Variants in LATS2 observed in about 807,000 individuals in gnomAD.
The protein encoded by LATS2 is large tumor suppressor kinase 2.
LATS2 carries 24 observed loss-of-function variants against 76.0 expected under a neutral mutation model. That is an observed-to-expected ratio of 0.32 (90% confidence interval 0.23 to 0.44). LATS2 has a LOEUF of 0.44. Ranked by LOEUF, LATS2 falls within the 20% of genes least tolerant of loss-of-function variation. The pLI is 1.00. For synonymous variants in LATS2, 692 were observed against 635.4 expected, an observed-to-expected ratio of 1.09 and a Z score of -1.34; for missense variants, 1,286 against 1,481.2, an observed-to-expected ratio of 0.87 and a Z score of 2.16.
rs771282680 is a variant in LATS2, at chr13:20,974,825, C to T, written c.*45G>A. ...GCCTGTGAGGGCACCGGCTCCGGGA[C>T]CCTGACCTGGGAGGCAGCGAGTGGT... On this transcript the variant is annotated 3_prime_UTR_variant, in exon 8 of 8. Coordinates refer to ENST00000382592, the MANE Select transcript of LATS2 (RefSeq NM_014572.3). The T allele has an allele frequency of 1.9e-6, 3 of 1,561,480 alleles. No individual in the cohort carries two copies. The highest frequency in any genetic ancestry group is 2.2e-5 in the East Asian group (1 of 44,498).
Position 21,016,888 on chromosome 13 carries a change from G to A in LATS2, c.343-25484C>T, listed in dbSNP as rs1358636592. 2.0e-5 allele frequency among the ~76,000 whole-genome samples: 3 copies of A among 152,180 alleles called. No individual in the cohort carries two copies. The East Asian group carries it at 5.8e-4, about 29-fold the overall frequency. On this transcript the variant is annotated intron_variant, in intron 2 of 7. Coordinates refer to ENST00000382592, the MANE Select transcript of LATS2 (RefSeq NM_014572.3). ...CTTAACTGCCTACCTTGTTCCTGTT[G>A]TTAAGTCCGGTTCCCCAAAGATAAG...
intron 2 of LATS2, among the ~76,000 whole-genome samples, chr13:21,024,445 A>C (rs1872223496): frequency 6.6e-6 from 1 of 152,140 alleles, no homozygotes; most frequent in African/African-American, 2.4e-5. Flanking sequence ...GATAATAATA[A>C]TAAATGATAA....
At chr13:21,018,142 G>A (rs1056723705) in intron 2 of LATS2, 4 of 152,220 alleles carry the variant, frequency 2.6e-5, no homozygotes, top group African/African-American at 9.6e-5. Context: ...CATGTAAACT[G>A]ACAGTTCAAG....
intron 5 of LATS2, among the ~76,000 whole-genome samples, chr13:20,981,987 A>C (rs1439495810): frequency 1.3e-5 from 2 of 152,232 alleles, no homozygotes; most frequent in Non-Finnish European, 2.9e-5. Flanking sequence ...TTAGGCCATA[A>C]TCAAAAGGTA....
At chr13:21,026,805 A>C (rs531761898) in intron 2 of LATS2, among the ~76,000 whole-genome samples, 191 of 152,336 alleles carry the variant, frequency 1.3e-3, no homozygotes, top group African/African-American at 4.4e-3. Flanking sequence ...TTAATTTAAA[A>C]AACATTAGTA....
At chr13:21,038,020 C>T (rs1003966) in intron 2 of LATS2, among the ~76,000 whole-genome samples, 15,908 of 152,150 alleles carry the variant, frequency 0.1, 808 homozygotes, top group Middle Eastern at 0.12. Flanking sequence ...CTGGGTGGAC[C>T]GCTTGAGCCC....
At chr13:21,034,497 C>A (rs1221100715) in intron 2 of LATS2, among the ~76,000 whole-genome samples, 1 of 152,234 alleles carries the variant, frequency 6.6e-6, no homozygotes, top group African/African-American at 2.4e-5. Context: ...AGACCTGGAA[C>A]ACCACTGCAG....
At chr13:20,990,037 C>T (rs1237966903) in intron 3 of LATS2, among the ~76,000 whole-genome samples, 5 of 152,282 alleles carry the variant, frequency 3.3e-5, no homozygotes, top group Admixed American at 1.3e-4. Flanking sequence ...CAGAGGGTGC[C>T]GAAGGGTGGA....
At position 20,988,405 on chromosome 13, in the gene LATS2, C is replaced by G. The variant is rs1279678158; in HGVS notation, c.1375G>C (p.Gly459Arg). 2 of 1,412,686 alleles carry G rather than the reference C, an allele frequency of 1.4e-6. No homozygotes were observed. The highest frequency in any genetic ancestry group is 1.8e-6 in the Non-Finnish European group (2 of 1,093,240). 87.5% of individuals were successfully genotyped at this position (1,412,686 alleles called of 1,614,324 possible). Residue 459 changes from glycine (G) to arginine (R), a missense_variant, in exon 4 of 8, where the codon GGG becomes CGG. Physicochemically the swap from Gly to Arg is moderately radical, Grantham distance 125. Coordinates refer to ENST00000382592, the MANE Select transcript of LATS2 (RefSeq NM_014572.3). ...GGCACCCAGGCGGGGTGCGAGGGCC[C>G]CACAGCCGTCTGCGGCTCCGGCCTC... ...VLRPEPQTAVGPSHPAWVPAP... is the reference protein window; with the variant it reads ...VLRPEPQTAVRPSHPAWVPAP...
At chr13:21,030,122 C>CAA (rs1214367442) in intron 2 of LATS2, among the ~76,000 whole-genome samples, 1 of 141,294 alleles carries the variant, frequency 7.1e-6, no homozygotes, top group Admixed American at 7.1e-5. Flanking sequence ...GACTCTACTT[C>CAA]AAAAAAAAAA....
intron 1 of LATS2, among the ~76,000 whole-genome samples, chr13:21,060,415 T>C (rs1481832043): frequency 6.6e-6 from 1 of 152,208 alleles, no homozygotes; most frequent in Non-Finnish European, 1.5e-5. Flanking sequence ...TGGCGTGTTA[T>C]GCAACGGCCG....
In LATS2 at chr13:20,974,844, G is replaced by C. The variant is rs766149898; in HGVS notation, c.*26C>G. On this transcript the variant is annotated 3_prime_UTR_variant, in exon 8 of 8. Transcript: ENST00000382592. ...CCGGGACCCTGACCTGGGAGGCAGC[G>C]AGTGGTGGGGGTGCCTGGCCCCCAT... 1.3e-6 allele frequency: 2 copies of C among 1,579,028 alleles called. No individual in the cohort carries two copies. The highest frequency in any genetic ancestry group is 2.2e-5 in the East Asian group (1 of 44,566).
In LATS2 at chr13:21,052,231, C is replaced by T. The variant is rs1162078638; in HGVS notation, c.-204-6001G>A. On this transcript the variant is annotated intron_variant, in intron 1 of 7. Coordinates refer to ENST00000382592, the MANE Select transcript of LATS2 (RefSeq NM_014572.3). ...ATATACTGATCAATTATCACCATTA[C>T]TAATTAAAGATTTATAATAAGTTAG... 3.9e-5 allele frequency among the ~76,000 whole-genome samples: 6 copies of T among 152,146 alleles called. No individual in the cohort carries two copies. The East Asian group carries it at 5.8e-4, about 15-fold the overall frequency.
In LATS2 at chr13:20,996,377, A is replaced by ATT. The variant is rs34278498; in HGVS notation, c.343-4975_343-4974dup. The stretch of plus-strand genomic sequence containing the variant: ...TCTACCTACATTAGAGTGGTAGAAG[A>ATT]TTTTTTTTTTTTTTTTTTTGAGACA... On this transcript the variant is annotated intron_variant, in intron 2 of 7. Coordinates refer to ENST00000382592, the MANE Select transcript of LATS2 (RefSeq NM_014572.3). Among the ~76,000 whole-genome samples the ATT allele has an allele frequency of 3.7e-3, 504 of 136,818 alleles. 4 individuals are homozygous for ATT. The highest frequency in any genetic ancestry group is 0.013 in the East Asian group (59 of 4,526). The allele number at this position is 136,818 out of a possible 152,430, so 89.8% of individuals were successfully genotyped here.
intron 2 of LATS2, among the ~76,000 whole-genome samples, chr13:21,017,547 T>C (rs2138353223): frequency 6.6e-6 from 1 of 152,258 alleles, no homozygotes; most frequent in East Asian, 1.9e-4. Context: ...CTGTGTAGTC[T>C]GAAAACCACT....
intron 2 of LATS2, among the ~76,000 whole-genome samples, chr13:21,031,377 A>C (rs1031234330): frequency 2.6e-5 from 4 of 152,130 alleles, no homozygotes; most frequent in African/African-American, 9.7e-5. Flanking sequence ...ATTTCTGTTC[A>C]ATTTTTTTCT....
At position 20,977,435 on chromosome 13, in the gene LATS2, G is replaced by T. The variant is rs575998826; in HGVS notation, c.2773-2071C>A. 3.3e-5 allele frequency among the ~76,000 whole-genome samples: 5 copies of T among 151,680 alleles called. No homozygotes were observed. In the South Asian group the frequency reaches 1.0e-3, roughly 32 times the overall value. ...AGCATAACCAAACTCACAGAGACAGGAAGCAGAAGAGAGGCGAGCAGGTGC... is the reference window on the plus strand; with the variant it reads ...AGCATAACCAAACTCACAGAGACAGTAAGCAGAAGAGAGGCGAGCAGGTGC... On this transcript the variant is annotated intron_variant, in intron 7 of 7. Transcript: ENST00000382592.
At chr13:21,034,594 G>A (rs1367604508) in intron 2 of LATS2, among the ~76,000 whole-genome samples, 3 of 152,124 alleles carry the variant, frequency 2.0e-5, no homozygotes, top group Non-Finnish European at 4.4e-5. Flanking sequence ...ATGACACTGT[G>A]GACTGCCGTG....
At chr13:21,001,718 T>C (rs992410478) in intron 2 of LATS2, among the ~76,000 whole-genome samples, 1 of 151,802 alleles carries the variant, frequency 6.6e-6, no homozygotes, top group African/African-American at 2.4e-5. Context: ...CACAGAGCCA[T>C]AAGAAATAAT....
Sources: allele counts gnomAD v4.1 joint callset (sites outside exome capture counted in the v4.1 genomes callset), GRCh38; gene constraint gnomAD v4.1.1; transcripts MANE v1.5; gene names NCBI Gene and HGNC (gene_info 2026-07-23, HGNC 2026-07-21).